H1-3: variants seen among roughly 807,000 people sequenced by gnomAD.
H1-3 encodes the protein H1.3 linker histone, cluster member, also known as histone H1.3.
Under a neutral mutation model 3.6 loss-of-function variants are expected in H1-3, and 4 were observed. That is an observed-to-expected ratio of 1.12 (90% CI 0.55 to 2.57). H1-3 has a LOEUF of 2.57. H1-3 is among the 30% of genes most tolerant of loss of function. The pLI is 0.02. For missense variants in H1-3, 670 were observed against 274.3 expected, an observed-to-expected ratio of 2.44 and a Z score of -10.19; for synonymous variants, 266 against 110.0, an observed-to-expected ratio of 2.42 and a Z score of -8.87.
rs750831325 is a variant in H1-3 at position 26,234,413 on chromosome 6, C to G, written c.521G>C (p.Ser174Thr). The G allele has an allele frequency of 6.2e-7, 1 of 1,614,206 alleles. No individual in the cohort carries two copies. The highest frequency in any genetic ancestry group is 8.5e-7 in the Non-Finnish European group (1 of 1,180,026). ...TAAGTKKVAK[S>T]AKKVKTPQPK... is the part of the protein sequence containing the mutation. Reference sequence around the variant, plus strand: ...CTGAGGTGTTTTCACCTTTTTCGCACTCTTGGCCACTTTCTTGGTCCCAGC... The same window carrying G: ...CTGAGGTGTTTTCACCTTTTTCGCAGTCTTGGCCACTTTCTTGGTCCCAGC... The change falls in exon 1 of 1, where the codon AGT becomes ACT. Residue 174 changes from serine to threonine, a missense_variant. Coordinates refer to ENST00000244534, the MANE Select transcript of H1-3 (RefSeq NM_005320.3).
chr6:26,234,229 A>T lies in H1-3; in HGVS notation c.*39T>A. 2 of 1,557,450 alleles carry T rather than the reference A, an allele frequency of 1.3e-6. No individual in the cohort carries two copies. The highest frequency in any genetic ancestry group is 1.7e-6 in the Non-Finnish European group (2 of 1,156,868). ...GAGACCTGTGGGTGGCTCTGAAAAG[A>T]GCCGTTTAAAATTTTCAAAGGGGAA... On this transcript the variant is annotated 3_prime_UTR_variant, in exon 1 of 1. Transcript: ENST00000244534.
chr6:26,234,832 G>C lies in H1-3; in HGVS notation c.102C>G (p.Arg34=), dbSNP rs367665999. ...AKKAGATAGK[R]KASGPPVSEL... ...CAGATACTGGGGGTCCGGATGCTTT[G>C]CGTTTCCCAGCAGTTGCGCCTGCCT... Residue 34 remains arginine (R), a synonymous_variant, in exon 1 of 1, where the codon CGC becomes CGG. Transcript: ENST00000244534. 2.5e-6 allele frequency: 4 copies of C among 1,614,210 alleles called. No homozygotes were observed. The highest frequency in any genetic ancestry group is 2.2e-5 in the South Asian group (2 of 91,084).
In H1-3 at chr6:26,234,812, A is replaced by G. The variant is rs774471687; in HGVS notation, c.122T>C (p.Val41Ala). Reference protein sequence around the residue: ...AGKRKASGPPVSELITKAVAA... With the variant: ...AGKRKASGPPASELITKAVAA... ...CACTGCCTTGGTGATAAGCTCAGAT[A>G]CTGGGGGTCCGGATGCTTTGCGTTT... Residue 41 changes from valine to alanine, a missense_variant, in exon 1 of 1, where the codon GTA (valine) becomes GCA (alanine). Coordinates refer to ENST00000244534, the MANE Select transcript of H1-3 (RefSeq NM_005320.3). The G allele has an allele frequency of 1.2e-6, 2 of 1,614,068 alleles. No individual in the cohort carries two copies. The highest frequency in any genetic ancestry group is 1.1e-5 in the South Asian group (1 of 91,094).
Position 26,234,364 on chromosome 6 carries a change from T to G in H1-3, c.570A>C (p.Pro190=), listed in dbSNP as rs779594235. ...TPQPKKAAKS[P]AKAKAPKPKA... is the part of the protein sequence containing the mutation. ...TGGGCTTAGGGGCTTTGGCCTTAGC[T>G]GGACTCTTGGCAGCTTTTTTTGGCT... Residue 190 remains proline, a synonymous_variant, in exon 1 of 1, where the codon CCA becomes CCC. Transcript: ENST00000244534. 88 of 1,614,140 alleles carry G rather than the reference T, an allele frequency of 5.5e-5. No individual in the cohort carries two copies. The highest frequency in any genetic ancestry group is 7.3e-5 in the Non-Finnish European group (86 of 1,180,054).
rs773342214 is a variant in H1-3, at chr6:26,234,508, C to T, written c.426G>A (p.Val142=). 2 of 1,613,928 alleles carry T rather than the reference C, an allele frequency of 1.2e-6. No individual in the cohort carries two copies. The highest frequency in any genetic ancestry group is 2.2e-5 in the South Asian group (2 of 91,078). The change falls in exon 1 of 1, where the codon GTG becomes GTA. Residue 142 remains valine (V), a synonymous_variant. Coordinates refer to ENST00000244534, the MANE Select transcript of H1-3 (RefSeq NM_005320.3). The stretch of plus-strand genomic sequence containing the variant: ...TTTTCTTCGGGGTAGCGGCGCCAGC[C>T]ACCTTCTTGGGCTTCTTGGCTGCCC... ...PAGAAKKPKK[V]AGAATPKKSI...
rs201560709 is a variant in H1-3 at position 26,234,303 on chromosome 6, T to C, written c.631A>G (p.Thr211Ala). ...TTCGGAGCTGCCTTCTTTGCCTTTG[T>C]AACCTTCGGCTTCCCCGACTTAGGC... is the stretch of plus-strand genomic sequence containing the variant. ...AKPKSGKPKVTKAKKAAPKKK is the reference protein window; with the variant it reads ...AKPKSGKPKVAKAKKAAPKKK The change falls in exon 1 of 1, where the codon ACA becomes GCA. Residue 211 changes from threonine to alanine, a missense_variant. Coordinates refer to ENST00000244534, the MANE Select transcript of H1-3 (RefSeq NM_005320.3). 3.7e-5 allele frequency: 60 copies of C among 1,607,862 alleles called. No homozygotes were observed. In the East Asian group the frequency reaches 8.5e-4, roughly 23 times the overall value.
rs1759743118 is a variant in H1-3, at chr6:26,234,633, C to G, written c.301G>C (p.Gly101Arg). Residue 101 changes from glycine to arginine, a missense_variant, in exon 1 of 1, where the codon GGT (glycine) becomes CGT (arginine). Coordinates refer to ENST00000244534, the MANE Select transcript of H1-3 (RefSeq NM_005320.3). Reference sequence around the variant, plus strand: ...TTGAGTTTGAAGGAGCCAGAAGCACCGGTACCTTTGGTCTGCACCAGAGTA... The same window carrying G: ...TTGAGTTTGAAGGAGCCAGAAGCACGGGTACCTTTGGTCTGCACCAGAGTA... ...KGTLVQTKGT[G>R]ASGSFKLNKK... 5 of 1,614,034 alleles carry G rather than the reference C, an allele frequency of 3.1e-6. No individual in the cohort carries two copies. Among genetic ancestry groups the G allele is most frequent in the African/African-American group, 1.3e-5 (1 of 74,920 alleles).
chr6:26,234,459 CCTT>C lies in H1-3; in HGVS notation c.472_474del (p.Lys158del). On this transcript the variant is annotated inframe_deletion, in exon 1 of 1. Transcript: ENST00000244534. ...CCAGCAGCGGTTGCTGGCTTCTTTA[CCTT>C]CTTAGGAGTCTTTTTGATGCTTTTC... 1 of 1,614,036 alleles carries C rather than the reference CCTT, an allele frequency of 6.2e-7. No individual in the cohort carries two copies. Among genetic ancestry groups the C allele is most frequent in the East Asian group, 2.2e-5 (1 of 44,888 alleles).
rs140975803 is a variant in H1-3 at position 26,234,718 on chromosome 6, G to T, written c.216C>A (p.Tyr72Ter). 1 of 1,613,510 alleles carries T rather than the reference G, an allele frequency of 6.2e-7. No individual in the cohort carries two copies. Among genetic ancestry groups the T allele is most frequent in the African/African-American group, 1.3e-5 (1 of 74,918 alleles). Residue 72 changes from tyrosine (Y) to a stop codon, truncating the protein, a stop_gained, in exon 1 of 1, where the codon TAC (tyrosine) becomes TAA (stop). Transcript: ENST00000244534. LOFTEE classifies it high-confidence loss of function. ...ALKKALAAAG[Y>*]DVEKNNSRIK... ...TACGGCTGTTGTTTTTTTCTACATC[G>T]TAGCCAGCAGCCGCAAGCGCTTTCT...
chr6:26,234,937 T>C lies in H1-3; in HGVS notation c.-4A>G, dbSNP rs1759763398. On this transcript the variant is annotated 5_prime_UTR_variant, in exon 1 of 1. Transcript: ENST00000244534. ...CAAGTGGAGCAGTCTCCGACATGTT[T>C]TTGTCTTCCCAGAAAAGACAATAAG... The C allele has an allele frequency of 6.3e-7, 1 of 1,593,000 alleles. No individual in the cohort carries two copies. The highest frequency in any genetic ancestry group is 8.5e-7 in the Non-Finnish European group (1 of 1,172,524).
chr6:26,234,465 TAGG>T lies in H1-3; in HGVS notation c.466_468del (p.Pro156del), dbSNP rs745461578. On this transcript the variant is annotated inframe_deletion, in exon 1 of 1. Transcript: ENST00000244534. ...GCGGTTGCTGGCTTCTTTACCTTCT[TAGG>T]AGTCTTTTTGATGCTTTTCTTCGGG... The T allele has an allele frequency of 8.1e-6, 13 of 1,613,986 alleles. No homozygotes were observed. The African/African-American group carries it at 1.3e-4, about 17-fold the overall frequency.
chr6:26,234,954 G>C lies in H1-3; in HGVS notation c.-21C>G, dbSNP rs181724833. ...GACATGTTTTTGTCTTCCCAGAAAAGACAATAAGTAATCTCAAACTGTCAG... is the reference window on the plus strand; with the variant it reads ...GACATGTTTTTGTCTTCCCAGAAAACACAATAAGTAATCTCAAACTGTCAG... On this transcript the variant is annotated 5_prime_UTR_variant, in exon 1 of 1. Coordinates refer to ENST00000244534, the MANE Select transcript of H1-3 (RefSeq NM_005320.3). The C allele has an allele frequency of 2.7e-5, 43 of 1,577,324 alleles. No homozygotes were observed. In the East Asian group the frequency reaches 7.8e-4, roughly 29 times the overall value.
In H1-3 at chr6:26,234,260, C is replaced by A; in HGVS notation, c.*8G>T. 2 of 1,585,266 alleles carry A rather than the reference C, an allele frequency of 1.3e-6. No individual in the cohort carries two copies. The highest frequency in any genetic ancestry group is 1.7e-6 in the Non-Finnish European group (2 of 1,171,154). On this transcript the variant is annotated 3_prime_UTR_variant, in exon 1 of 1. Coordinates refer to ENST00000244534, the MANE Select transcript of H1-3 (RefSeq NM_005320.3). ...TTAAAATTTTCAAAGGGGAACGTCC[C>A]GCCAGTTTCACTTTTTCTTCGGAGC...
chr6:26,234,905 G>A lies in H1-3; in HGVS notation c.29C>T (p.Thr10Ile), dbSNP rs756679839. 3.7e-6 allele frequency: 6 copies of A among 1,610,720 alleles called. No homozygotes were observed. The African/African-American group carries it at 4.0e-5, about 11-fold the overall frequency. The change falls in exon 1 of 1, where the codon ACC becomes ATC. Residue 10 changes from threonine to isoleucine, a missense_variant. Coordinates refer to ENST00000244534, the MANE Select transcript of H1-3 (RefSeq NM_005320.3). MSETAPLAP[T>I]IPAPAEKTPV... ...TGTTTTTTCTGCGGGTGCAGGAATG[G>A]TAGGAGCAAGTGGAGCAGTCTCCGA...
At position 26,234,775 on chromosome 6, in the gene H1-3, C is replaced by G. The variant is rs781195252; in HGVS notation, c.159G>C (p.Lys53Asn). 4.3e-6 allele frequency: 7 copies of G among 1,614,116 alleles called. No homozygotes were observed. Among genetic ancestry groups the G allele is most frequent in the Non-Finnish European group, 5.9e-6 (7 of 1,180,048 alleles). Residue 53 changes from lysine (K) to asparagine (N), a missense_variant, in exon 1 of 1, where the codon AAG becomes AAC. Coordinates refer to ENST00000244534, the MANE Select transcript of H1-3 (RefSeq NM_005320.3). ...CGGCCAGAGAAACGCCGCTGCGCTC[C>G]TTAGAAGCTGCCACTGCCTTGGTGA... The part of the protein sequence containing the change: ...ELITKAVAAS[K>N]ERSGVSLAAL...
rs148166404 is a variant in H1-3 at position 26,234,533 on chromosome 6, C to G, written c.401G>C (p.Gly134Ala). 6.2e-7 allele frequency: 1 copy of G among 1,613,368 alleles called. No homozygotes were observed. The highest frequency in any genetic ancestry group is 8.5e-7 in the Non-Finnish European group (1 of 1,179,878). Reference sequence around the variant, plus strand: ...CACCTTCTTGGGCTTCTTGGCTGCCCCAGCAGGCTTCCTAGGCTTGGCTGC... The same window carrying G: ...CACCTTCTTGGGCTTCTTGGCTGCCGCAGCAGGCTTCCTAGGCTTGGCTGC... ...AGAAKPRKPAGAAKKPKKVAG... is the reference protein window; with the variant it reads ...AGAAKPRKPAAAAKKPKKVAG... Residue 134 changes from glycine (G) to alanine (A), a missense_variant, in exon 1 of 1, where the codon GGG becomes GCG. Gly to Ala is a moderately conservative substitution (Grantham distance 60, BLOSUM62 0). Coordinates refer to ENST00000244534, the MANE Select transcript of H1-3 (RefSeq NM_005320.3).
In H1-3 at chr6:26,234,344, T is replaced by G. The variant is rs772936028; in HGVS notation, c.590A>C (p.Lys197Thr). ...AKSPAKAKAPKPKAAKPKSGK... is the reference protein window; with the variant it reads ...AKSPAKAKAPTPKAAKPKSGK... Reference sequence around the variant, plus strand: ...CGACTTAGGCTTGGCCGCCTTGGGCTTAGGGGCTTTGGCCTTAGCTGGACT... The same window carrying G: ...CGACTTAGGCTTGGCCGCCTTGGGCGTAGGGGCTTTGGCCTTAGCTGGACT... The change falls in exon 1 of 1, where the codon AAG becomes ACG. Residue 197 changes from lysine to threonine, a missense_variant. By Grantham distance (78) the Lys-to-Thr change is moderately conservative. Coordinates refer to ENST00000244534, the MANE Select transcript of H1-3 (RefSeq NM_005320.3). The G allele has an allele frequency of 1.9e-6, 3 of 1,614,258 alleles. No individual in the cohort carries two copies. The highest frequency in any genetic ancestry group is 1.1e-5 in the South Asian group (1 of 91,088).
In H1-3 at chr6:26,234,872, T is replaced by A. The variant is rs758615680; in HGVS notation, c.62A>T (p.Lys21Met). 4 of 1,613,526 alleles carry A rather than the reference T, an allele frequency of 2.5e-6. No individual in the cohort carries two copies. In the Admixed American group the frequency reaches 5.0e-5, roughly 20 times the overall value. ...TGCGCCTGCCTTCTTCGCCTTTTTC[T>A]TCACAGGTGTTTTTTCTGCGGGTGC... ...IPAPAEKTPV[K>M]KKAKKAGATA... The change falls in exon 1 of 1, where the codon AAG (lysine) becomes ATG (methionine). Residue 21 changes from lysine (K) to methionine (M), a missense_variant. By Grantham distance (95) the Lys-to-Met change is moderately conservative. Transcript: ENST00000244534.
In H1-3 at chr6:26,234,514, C is replaced by G; in HGVS notation, c.420G>C (p.Lys140Asn). The G allele has an allele frequency of 6.2e-7, 1 of 1,613,778 alleles. No individual in the cohort carries two copies. Among genetic ancestry groups the G allele is most frequent in the Non-Finnish European group, 8.5e-7 (1 of 1,179,912 alleles). ...RKPAGAAKKP[K>N]KVAGAATPKK... Reference sequence around the variant, plus strand: ...TCGGGGTAGCGGCGCCAGCCACCTTCTTGGGCTTCTTGGCTGCCCCAGCAG... The same window carrying G: ...TCGGGGTAGCGGCGCCAGCCACCTTGTTGGGCTTCTTGGCTGCCCCAGCAG... Residue 140 changes from lysine to asparagine, a missense_variant, in exon 1 of 1, where the codon AAG becomes AAC. Lys to Asn is a moderately conservative substitution (Grantham distance 94). Transcript: ENST00000244534.
Sources: allele counts gnomAD v4.1 joint callset, GRCh38; gene constraint gnomAD v4.1.1; transcripts MANE v1.5; gene names NCBI Gene and HGNC (gene_info 2026-07-23, HGNC 2026-07-21).